Variants in NCKAP5 observed in about 807,000 individuals in gnomAD.
NCKAP5 encodes the protein NCK associated protein 5.
In NCKAP5, 92 loss-of-function variants were observed where a neutral mutation model predicts 167.0. The ratio of observed to expected loss-of-function variants is 0.55; its 90% CI spans 0.47 to 0.66. The LOEUF (loss-of-function observed/expected upper bound fraction) is 0.66. Among genes scored for constraint, NCKAP5 ranks in the 30% least tolerant of loss-of-function variants. The probability of loss-of-function intolerance (pLI) is 0.00; values close to 1 mark genes in which losing one functional copy is unlikely to be tolerated. For synonymous variants in NCKAP5, 891 were observed against 877.4 expected, an observed-to-expected ratio of 1.02 and a Z score of -0.27; for missense variants, 2,378 against 2,315.0, an observed-to-expected ratio of 1.03 and a Z score of -0.56.
chr2:133,628,416 T>G, the NCKAP5 span, among the ~76,000 whole-genome samples: 2 of 152,012 alleles, frequency 1.3e-5, no homozygotes, highest in African/African-American at 4.8e-5. Context: ...GAATAAAATA[T>G]TCAGCAATAT....
chr2:133,083,808 T>C (rs2080891735), intron 6 of NCKAP5, among the ~76,000 whole-genome samples: 1 of 152,212 alleles, frequency 6.6e-6, no homozygotes, highest in Non-Finnish European at 1.5e-5. Flanking sequence ...GATCCCACTA[T>C]GTGTCAGGAT....
chr2:132,960,822 G>A (rs1015364213), intron 8 of NCKAP5, among the ~76,000 whole-genome samples: 5 of 152,034 alleles, frequency 3.3e-5, no homozygotes, highest in African/African-American at 1.2e-4. Context: ...GAACCTGTTA[G>A]GGGAGCAGGA....
At chr2:133,470,704 A>T (rs1277893442) in intron 3 of NCKAP5, among the ~76,000 whole-genome samples, 1 of 152,196 alleles carries the variant, frequency 6.6e-6, no homozygotes, top group Non-Finnish European at 1.5e-5. Flanking sequence ...TGCAGGATAT[A>T]ATCTCGTGGT....
At chr2:133,369,722 A>G (rs1252775178) in intron 3 of NCKAP5, among the ~76,000 whole-genome samples, 1 of 152,266 alleles carries the variant, frequency 6.6e-6, no homozygotes, top group African/African-American at 2.4e-5. Context: ...ATGATCAAGT[A>G]AGAACATGAT....
At chr2:133,192,426 T>C (rs1211157097) in intron 5 of NCKAP5, among the ~76,000 whole-genome samples, 1 of 152,050 alleles carries the variant, frequency 6.6e-6, no homozygotes, top group Non-Finnish European at 1.5e-5. Flanking sequence ...AAATGAAAAC[T>C]TTTGTTCTGT....
chr2:133,651,658 T>A, the NCKAP5 span, among the ~76,000 whole-genome samples: 1 of 152,288 alleles, frequency 6.6e-6, no homozygotes, highest in South Asian at 2.1e-4. Flanking sequence ...CAATCCCACT[T>A]TTCTGTATTT....
chr2:133,583,996 C>T, the NCKAP5 span, among the ~76,000 whole-genome samples: 1 of 152,230 alleles, frequency 6.6e-6, no homozygotes, highest in East Asian at 1.9e-4. Context: ...CCTCGTGATC[C>T]ACCCACCTCA....
chr2:133,132,516 C>CAAAA (rs1553546863), intron 5 of NCKAP5, among the ~76,000 whole-genome samples: 2 of 146,406 alleles, frequency 1.4e-5, no homozygotes, highest in Admixed American at 6.8e-5. Flanking sequence ...CACACACACA[C>CAAAA]AAACCCTGAT....
chr2:132,692,465 CA>C (rs1196910765), intron 19 of NCKAP5, among the ~76,000 whole-genome samples: 2 of 152,142 alleles, frequency 1.3e-5, no homozygotes, highest in East Asian at 1.9e-4. Flanking sequence ...AATTACATTA[CA>C]TTTTTTTATT....
chr2:133,182,017 G>A (rs62177493), intron 5 of NCKAP5, among the ~76,000 whole-genome samples: 1 of 151,964 alleles, frequency 6.6e-6, no homozygotes, highest in Non-Finnish European at 1.5e-5. Flanking sequence ...TGACAAGAGA[G>A]GTACATCATA....
At chr2:133,391,373 A>ATCACAGCCAGATC (rs1290296935) in intron 3 of NCKAP5, 1 of 155,970 alleles carries the variant, frequency 6.4e-6, no homozygotes, top group African/African-American at 2.4e-5. Flanking sequence ...GGGGACAGAT[A>ATCACAGCCAGATC]TCACAGCCAG....
the NCKAP5 span, among the ~76,000 whole-genome samples, chr2:133,650,683 T>C: frequency 6.6e-6 from 1 of 151,744 alleles, no homozygotes; most frequent in African/African-American, 2.4e-5. Flanking sequence ...GAGACGAGTC[T>C]GGCCAACATG....
At chr2:132,764,115 C>T (rs1008179014) in intron 16 of NCKAP5, among the ~76,000 whole-genome samples, 4 of 152,104 alleles carry the variant, frequency 2.6e-5, no homozygotes, top group Admixed American at 6.6e-5. Context: ...CTCATAAATA[C>T]AGAAACATCC....
the NCKAP5 span, among the ~76,000 whole-genome samples, chr2:133,666,186 CTTTTTTT>C: frequency 2.6e-5 from 3 of 114,120 alleles, no homozygotes; most frequent in South Asian, 2.9e-4. Flanking sequence ...GATCTACATC[CTTTTTTT>C]TTTTTTTTTT....
chr2:133,116,874 A>G (rs1051806215), intron 6 of NCKAP5: 7 of 152,040 alleles, frequency 4.6e-5, no homozygotes, highest in African/African-American at 1.7e-4. Context: ...TCTATAATCA[A>G]TAAGATTATT....
chr2:133,408,359 C>G (rs1266723248), intron 3 of NCKAP5, among the ~76,000 whole-genome samples: 1 of 152,112 alleles, frequency 6.6e-6, no homozygotes, highest in Non-Finnish European at 1.5e-5. Context: ...TATGTTTTTT[C>G]AACTCTCTCC....
chr2:133,109,059 G>A (rs1560888), intron 6 of NCKAP5, among the ~76,000 whole-genome samples: 26,679 of 151,906 alleles, frequency 0.18, 2,765 homozygotes, highest in East Asian at 0.51. Context: ...ATTCCCTCTC[G>A]GGCTAATTTG....
chr2:133,485,696 C>A (rs933901393), intron 3 of NCKAP5, among the ~76,000 whole-genome samples: 1 of 152,100 alleles, frequency 6.6e-6, no homozygotes, highest in African/African-American at 2.4e-5. Flanking sequence ...TACAAAGGAA[C>A]CCAATATTAT....
chr2:133,123,658 G>A (rs2082316643), intron 6 of NCKAP5: 1 of 403,312 alleles, frequency 2.5e-6, no homozygotes, highest in Non-Finnish European at 5.3e-6. Flanking sequence ...AAGGCACTCA[G>A]GAGAGCCAGC....
Sources: allele counts gnomAD v4.1 joint callset (sites outside exome capture counted in the v4.1 genomes callset), GRCh38; gene constraint gnomAD v4.1.1; transcripts MANE v1.5; gene names NCBI Gene and HGNC (gene_info 2026-07-23, HGNC 2026-07-21).